RAD21L1: variants seen among roughly 807,000 people sequenced by gnomAD.
RAD21L1 encodes the protein double-strand-break repair protein rad21-like protein 1.
RAD21L1 carries 47 observed loss-of-function variants against 69.0 expected under a neutral mutation model. The ratio of observed to expected loss-of-function variants is 0.68; its 90% CI spans 0.54 to 0.87. The LOEUF is 0.87. RAD21L1 is among the 40% of genes least tolerant of loss of function. The pLI is 0.00. For synonymous variants in RAD21L1, 177 were observed against 205.8 expected (o/e 0.86, Z 1.20); for missense variants, 583 against 647.6 (o/e 0.90, Z 1.08).
intron 2 of RAD21L1, among the ~76,000 whole-genome samples, chr20:1,229,462 C>G (rs1027547021): frequency 6.6e-6 from 1 of 152,128 alleles, no homozygotes; most frequent in Non-Finnish European, 1.5e-5. Flanking sequence ...TTGCAGTGAG[C>G]CAAGATTGCG....
Position 1,246,883 on chromosome 20 carries a change from C to A in RAD21L1, c.1401+578C>A, listed in dbSNP as rs946642858. 7.9e-5 allele frequency among the ~76,000 whole-genome samples: 12 copies of A among 152,226 alleles called. No homozygotes were observed. Among genetic ancestry groups the A allele is most frequent in the African/African-American group, 2.6e-4 (11 of 41,552 alleles). On this transcript the variant is annotated intron_variant, in intron 12 of 13. Transcript: ENST00000683101. This position sits in a 1 kb window ranked among gnomAD's most constrained non-coding sequence, Gnocchi z 4.6. ...ATTTCTCTGGTATTATCCCAGCATA[C>A]TGAAAACATTTTTAAGATTGTAAGG...
intron 9 of RAD21L1, 76 bp from the exon 10 acceptor site, chr20:1,243,021 T>G: frequency 2.0e-6 from 2 of 1,011,140 alleles, no homozygotes; most frequent in Admixed American, 5.7e-5. Flanking sequence ...TTTTCCTTTT[T>G]AGATATGTGC....
At chr20:1,245,600 A>G (rs1461811621) in intron 11 of RAD21L1, among the ~76,000 whole-genome samples, 3 of 152,132 alleles carry the variant, frequency 2.0e-5, no homozygotes, top group East Asian at 3.8e-4. Context: ...GATAGCTTCT[A>G]TAGCAATGAG....
At chr20:1,230,734 TA>T in intron 3 of RAD21L1, 1 of 557,214 alleles carries the variant, frequency 1.8e-6, no homozygotes, top group Non-Finnish European at 2.3e-6. Flanking sequence ...CTTCTTCATT[TA>T]AAATATTCAT....
chr20:1,231,578 A>G lies in RAD21L1; in HGVS notation c.327A>G (p.Thr109=), dbSNP rs1349267117. 7 of 1,539,112 alleles carry G rather than the reference A, an allele frequency of 4.5e-6. No individual in the cohort carries two copies. The Admixed American group carries it at 1.2e-4, about 26-fold the overall frequency. The change falls in exon 4 of 14, where the codon ACA becomes ACG. Residue 109 remains threonine, a synonymous_variant. Transcript: ENST00000683101. ...ENFEASYNAI[T]LPEEFHDFDT... Reference sequence around the variant, plus strand: ...TTGAAGCATCTTACAATGCTATCACATTGCCAGAAGAATTTCATGATTTTG... The same window carrying G: ...TTGAAGCATCTTACAATGCTATCACGTTGCCAGAAGAATTTCATGATTTTG...
chr20:1,238,309 T>A, intron 6 of RAD21L1, 95 bp downstream of exon 6: 1 of 951,112 alleles, frequency 1.1e-6, no homozygotes, highest in Non-Finnish European at 1.5e-6. Flanking sequence ...AAATTTCAAA[T>A]ATGTTTTTGT....
intron 4 of RAD21L1, 146 bp from the exon 5 acceptor site, chr20:1,233,939 A>G (rs1167510525): frequency 4.4e-6 from 2 of 449,672 alleles, no homozygotes; most frequent in East Asian, 3.4e-5. Flanking sequence ...TTATTTATAT[A>G]CATGTATATA....
intron 9 of RAD21L1, 39 bp downstream of exon 9, chr20:1,242,884 G>A: frequency 8.1e-7 from 1 of 1,237,198 alleles, no homozygotes; most frequent in Non-Finnish European, 1.2e-6. Flanking sequence ...GCAATGTCTG[G>A]TTATAAATAA....
chr20:1,229,431 C>T (rs2087341117), intron 2 of RAD21L1, among the ~76,000 whole-genome samples: 3 of 152,174 alleles, frequency 2.0e-5, no homozygotes, highest in Admixed American at 2.0e-4. Context: ...AGGAGAATTG[C>T]TTGAACCCGG....
Position 1,246,264 on chromosome 20 carries a change from G to T in RAD21L1, c.1360G>T (p.Asp454Tyr). The T allele has an allele frequency of 6.5e-7, 1 of 1,539,846 alleles. No homozygotes were observed. The highest frequency in any genetic ancestry group is 8.8e-7 in the Non-Finnish European group (1 of 1,141,296). ...TGCTGAGGAATCATCTTTAATGAAT[G>T]ACTTATTTGCACAAGAAATTGAATA... is the stretch of plus-strand genomic sequence containing the variant. ...LAAEESSLMN[D>Y]LFAQEIEYSP... Residue 454 changes from aspartate (D) to tyrosine (Y), a missense_variant, in exon 12 of 14, where the codon GAC (aspartate) becomes TAC (tyrosine). Physicochemically the swap from Asp to Tyr is radical, Grantham distance 160. Transcript: ENST00000683101. The surrounding 1 kb of genome is among the most constrained non-coding windows in gnomAD (Gnocchi z 4.6).
intron 8 of RAD21L1, 52 bp from the exon 9 acceptor site, chr20:1,242,567 G>T (rs1217810865): frequency 7.3e-7 from 1 of 1,374,516 alleles, no homozygotes; most frequent in Non-Finnish European, 1.0e-6. Context: ...CCTACAATAT[G>T]ATTTTAGAAA....
At chr20:1,249,090 A>G (rs149856798) in intron 13 of RAD21L1, among the ~76,000 whole-genome samples, 1 of 152,176 alleles carries the variant, frequency 6.6e-6, no homozygotes, top group Non-Finnish European at 1.5e-5. Flanking sequence ...TAAAAGCTCA[A>G]TAGCACCATG....
intron 13 of RAD21L1, among the ~76,000 whole-genome samples, chr20:1,252,654 G>T (rs62187483): frequency 1.5e-5 from 2 of 137,050 alleles, no homozygotes; most frequent in African/African-American, 5.0e-5. Context: ...TGTGAGTAGC[G>T]GTCTCCGCTA....
At chr20:1,253,617 A>G (rs2087879599) in intron 13 of RAD21L1, among the ~76,000 whole-genome samples, 1 of 152,132 alleles carries the variant, frequency 6.6e-6, no homozygotes, top group Non-Finnish European at 1.5e-5. Flanking sequence ...ATTTCTAACT[A>G]AAAAATTACA....
At chr20:1,230,150 T>A in intron 3 of RAD21L1, 141 bp downstream of exon 3, 1 of 609,640 alleles carries the variant, frequency 1.6e-6, no homozygotes, top group Non-Finnish European at 2.7e-6. Context: ...TGGTTGAGGA[T>A]AAATTGTATT....
At chr20:1,230,470 A>C (rs2087366675) in intron 3 of RAD21L1, 2 of 705,934 alleles carry the variant, frequency 2.8e-6, no homozygotes, top group Non-Finnish European at 3.5e-6. Context: ...AGAGATTTAC[A>C]TATGTCATAA....
Position 1,242,658 on chromosome 20 carries a change from T to C in RAD21L1, c.896T>C (p.Leu299Pro), listed in dbSNP as rs552069729. Residue 299 changes from leucine (L) to proline (P), a missense_variant, in exon 9 of 14, where the codon CTC (leucine) becomes CCC (proline). Leu to Pro is a moderately conservative substitution (Grantham distance 98). Coordinates refer to ENST00000683101, the MANE Select transcript of RAD21L1 (RefSeq NM_001384355.1). ...AGGAAAGGCAAAAAGAGGAGATTGC[T>C]CATAGATCCTATCAAGGAGCTCAGT... ...EKRKGKKRRL[L>P]IDPIKELSSK... The C allele has an allele frequency of 5.8e-6, 9 of 1,551,452 alleles. No individual in the cohort carries two copies. The highest frequency in any genetic ancestry group is 7.8e-6 in the Non-Finnish European group (9 of 1,146,846).
intron 13 of RAD21L1, 128 bp downstream of exon 13, chr20:1,248,831 G>C (rs2087770307): frequency 1.9e-6 from 1 of 523,466 alleles, no homozygotes; most frequent in Non-Finnish European, 3.3e-6. Context: ...TCCCACTAGA[G>C]TGCAATGATT....
At chr20:1,230,327 G>A in intron 3 of RAD21L1, 1 of 174,148 alleles carries the variant, frequency 5.7e-6, no homozygotes, top group Non-Finnish European at 1.2e-5. Flanking sequence ...GCCTGTTTTT[G>A]CCTTTATAAG....
Sources: gnomAD v4.1 joint callset for allele counts (sites outside exome capture counted in the v4.1 genomes callset) on GRCh38, gnomAD v4.1.1 for gene constraint, Gnocchi (gnomAD v3.1) non-coding constraint, MANE v1.5 for transcripts, NCBI Gene and HGNC (gene_info 2026-07-23, HGNC 2026-07-21) for gene names.